XKR6: variants seen among roughly 807,000 people sequenced by gnomAD.
The protein encoded by XKR6 is XK-related protein 6.
A neutral mutation model predicts 56.7 loss-of-function variants in XKR6; 22 were observed. The ratio of observed to expected loss-of-function variants is 0.39; its 90% CI spans 0.28 to 0.55. XKR6 has a LOEUF of 0.55. Among genes scored for constraint, XKR6 ranks in the 20% least tolerant of loss-of-function variants. The pLI is 0.66. For missense variants in XKR6, 852 were observed against 889.0 expected (o/e 0.96, Z 0.53); for synonymous variants, 524 against 387.8 (o/e 1.35, Z -4.13).
chr8:10,928,142 G>T (rs556874330), intron 1 of XKR6, among the ~76,000 whole-genome samples: 2 of 152,184 alleles, frequency 1.3e-5, no homozygotes, highest in Admixed American at 6.5e-5. Flanking sequence ...ACTTTATAGT[G>T]GAGGGCCCAG....
intron 1 of XKR6, among the ~76,000 whole-genome samples, chr8:11,049,240 A>T (rs1799484284): frequency 1.3e-5 from 2 of 152,250 alleles, no homozygotes; most frequent in Admixed American, 1.3e-4. Context: ...CACTGGCTTA[A>T]TGAAACCTGC....
chr8:11,090,696 G>A (rs572672226), intron 1 of XKR6, among the ~76,000 whole-genome samples: 1 of 152,234 alleles, frequency 6.6e-6, no homozygotes, highest in African/African-American at 2.4e-5. Flanking sequence ...GAAAGTGCCT[G>A]TTCATATTTT....
intron 1 of XKR6, among the ~76,000 whole-genome samples, chr8:11,099,720 A>G (rs1301250829): frequency 6.6e-6 from 1 of 152,212 alleles, no homozygotes; most frequent in Admixed American, 6.5e-5. Flanking sequence ...TCTTGAAAAA[A>G]CAGCCACCAA....
At chr8:10,918,703 G>C (rs528291904) in intron 2 of XKR6, among the ~76,000 whole-genome samples, 20 of 152,284 alleles carry the variant, frequency 1.3e-4, no homozygotes, top group African/African-American at 4.8e-4. Flanking sequence ...ATCCCCAAAG[G>C]AGGAAGGAGG....
chr8:11,178,590 T>C (rs989506133), intron 1 of XKR6, among the ~76,000 whole-genome samples: 1 of 122,678 alleles, frequency 8.2e-6, no homozygotes, highest in African/African-American at 3.2e-5. Context: ...ATATATGTAC[T>C]ACACACACAC....
Position 10,898,973 on chromosome 8 carries a change from C to G in XKR6, c.962-57G>C. On this transcript the variant is annotated intron_variant, in intron 2 of 2. Transcript: ENST00000416569. This position sits in a 1 kb window ranked among gnomAD's most constrained non-coding sequence, Gnocchi z 6.6. Reference sequence around the variant, plus strand: ...AACCTTGGACATCAACCGCAGGGCACAGTGAAGCTGCCGGCTGAGGAGACG... The same window carrying G: ...AACCTTGGACATCAACCGCAGGGCAGAGTGAAGCTGCCGGCTGAGGAGACG... 1 of 1,523,586 alleles carries G rather than the reference C, an allele frequency of 6.6e-7. No individual in the cohort carries two copies. The highest frequency in any genetic ancestry group is 8.7e-7 in the Non-Finnish European group (1 of 1,143,180). 94.4% of individuals were successfully genotyped at this position (1,523,586 alleles called of 1,614,324 possible).
At chr8:10,958,084 G>A (rs753103588) in intron 1 of XKR6, among the ~76,000 whole-genome samples, 3 of 152,090 alleles carry the variant, frequency 2.0e-5, no homozygotes, top group Non-Finnish European at 2.9e-5. Flanking sequence ...GCCCTCTCTG[G>A]GCCTCAGTTT....
At chr8:11,053,633 T>A (rs1799609653) in intron 1 of XKR6, among the ~76,000 whole-genome samples, 1 of 152,220 alleles carries the variant, frequency 6.6e-6, no homozygotes, top group South Asian at 2.1e-4. Context: ...AGTACTAGAA[T>A]TTATCAACGG....
At chr8:10,915,613 G>A (rs1480532262) in intron 2 of XKR6, among the ~76,000 whole-genome samples, 3 of 152,182 alleles carry the variant, frequency 2.0e-5, no homozygotes, top group African/African-American at 7.2e-5. Context: ...CCAGAGTGGT[G>A]CAGTGCGAGC....
chr8:11,146,660 T>C (rs1220703130), intron 1 of XKR6, among the ~76,000 whole-genome samples: 4 of 149,654 alleles, frequency 2.7e-5, no homozygotes, highest in Non-Finnish European at 5.9e-5. Context: ...ATGGGCTTCA[T>C]CAAAATGAAA....
intron 1 of XKR6, among the ~76,000 whole-genome samples, chr8:11,199,298 T>C (rs995470941): frequency 1.3e-5 from 2 of 152,248 alleles, no homozygotes; most frequent in African/African-American, 4.8e-5. Context: ...CTCTCATGAT[T>C]TGACTTAATT....
At chr8:10,933,750 G>C (rs1380776654) in intron 1 of XKR6, among the ~76,000 whole-genome samples, 1 of 150,134 alleles carries the variant, frequency 6.7e-6, no homozygotes, top group Non-Finnish European at 1.5e-5. Flanking sequence ...CTGTTCCATT[G>C]ATCTATATCT....
intron 1 of XKR6, among the ~76,000 whole-genome samples, chr8:11,064,991 A>G (rs1238488270): frequency 1.3e-5 from 2 of 152,252 alleles, no homozygotes; most frequent in Non-Finnish European, 2.9e-5. Context: ...TCTTTGAACT[A>G]CTTTAAAAAT....
rs922708355 is a variant in XKR6, at chr8:10,896,647, A to G, written c.*1305T>C. 2.0e-5 allele frequency: 3 copies of G among 152,586 alleles called. No homozygotes were observed. Among genetic ancestry groups the G allele is most frequent in the African/African-American group, 7.2e-5 (3 of 41,436 alleles). 9.5% of individuals were successfully genotyped at this position (152,586 alleles called of 1,614,324 possible). ...AGGTGAGCTGAATGATTTTCAGCCA[A>G]CCACAATGGTGAAAGACAGAAGCAC... On this transcript the variant is annotated 3_prime_UTR_variant, in exon 3 of 3. Transcript: ENST00000416569.
intron 1 of XKR6, among the ~76,000 whole-genome samples, chr8:11,149,497 C>G (rs1801160661): frequency 6.6e-6 from 1 of 152,102 alleles, no homozygotes; most frequent in Non-Finnish European, 1.5e-5. Flanking sequence ...TTGTCTACAT[C>G]TCATGTTCAG....
chr8:10,974,464 T>C (rs528293332), intron 1 of XKR6, among the ~76,000 whole-genome samples: 1 of 152,150 alleles, frequency 6.6e-6, no homozygotes, highest in Non-Finnish European at 1.5e-5. Flanking sequence ...GGCTACCATC[T>C]CCCTGACCAA....
At chr8:11,008,998 T>C (rs1055123057) in intron 1 of XKR6, among the ~76,000 whole-genome samples, 2 of 151,260 alleles carry the variant, frequency 1.3e-5, no homozygotes, top group South Asian at 4.2e-4. Context: ...TTTTAGATTG[T>C]TGTCTAAAGT....
At chr8:10,940,920 G>C (rs1051775790) in intron 1 of XKR6, among the ~76,000 whole-genome samples, 1 of 152,186 alleles carries the variant, frequency 6.6e-6, no homozygotes, top group Non-Finnish European at 1.5e-5. Flanking sequence ...CTTGCCATCA[G>C]CTCCAGGCTT....
chr8:10,956,163 G>A (rs1047868496), intron 1 of XKR6, among the ~76,000 whole-genome samples: 3 of 151,388 alleles, frequency 2.0e-5, no homozygotes, highest in Non-Finnish European at 4.4e-5. Context: ...GCTGCCAGGA[G>A]GAAGTAGGCA....
Sources: allele counts gnomAD v4.1 joint callset (sites outside exome capture counted in the v4.1 genomes callset), GRCh38; gene constraint gnomAD v4.1.1; non-coding constraint Gnocchi (gnomAD v3.1); transcripts MANE v1.5; gene names NCBI Gene and HGNC (gene_info 2026-07-23, HGNC 2026-07-21).